The following RORA variants were observed in gnomAD, a reference collection of about 807,000 sequenced individuals.
RORA encodes the protein nuclear receptor ROR-alpha.
In RORA, 7 loss-of-function variants were observed where a neutral mutation model predicts 69.5. That is an observed-to-expected ratio of 0.10 (90% confidence interval 0.06 to 0.19). The LOEUF is 0.19. RORA is among the 10% of genes least tolerant of loss of function. The pLI, the probability that RORA is intolerant of heterozygous loss-of-function variation, is 1.00. For synonymous variants in RORA, 261 were observed against 240.8 expected (o/e 1.08, Z -0.78); for missense variants, 457 against 663.0 (o/e 0.69, Z 3.41).
chr15:60,910,024 T>C (rs1356960899), intron 1 of RORA, among the ~76,000 whole-genome samples: 1 of 152,154 alleles, frequency 6.6e-6, no homozygotes, highest in Non-Finnish European at 1.5e-5. Flanking sequence ...CATAATTGAG[T>C]TGCAAAGGGG....
intron 1 of RORA, among the ~76,000 whole-genome samples, chr15:61,060,045 AG>A (rs1336992747): frequency 4.1e-5 from 6 of 147,520 alleles, no homozygotes; most frequent in Non-Finnish European, 9.0e-5. Flanking sequence ...AAGAAGAAGA[AG>A]AAGAAAGCCT....
intron 1 of RORA, among the ~76,000 whole-genome samples, chr15:60,701,410 G>A (rs2070979604): frequency 6.6e-6 from 1 of 152,186 alleles, no homozygotes. Flanking sequence ...AGAAGTTTAT[G>A]GAGGAAGTGA....
At chr15:60,901,856 C>T (rs1891401738) in intron 1 of RORA, among the ~76,000 whole-genome samples, 1 of 152,186 alleles carries the variant, frequency 6.6e-6, no homozygotes, top group African/African-American at 2.4e-5. Context: ...GAAAGTTATG[C>T]ATTCCAGTAG....
At chr15:60,788,261 T>C (rs1272192884) in intron 1 of RORA, among the ~76,000 whole-genome samples, 2 of 152,200 alleles carry the variant, frequency 1.3e-5, no homozygotes, top group Non-Finnish European at 2.9e-5. Flanking sequence ...TCCCTGATGA[T>C]GCACAAGACA....
At chr15:61,140,369 C>G (rs1343834339) in intron 1 of RORA, among the ~76,000 whole-genome samples, 1 of 152,146 alleles carries the variant, frequency 6.6e-6, no homozygotes, top group Non-Finnish European at 1.5e-5. Flanking sequence ...TGTAGGTGTG[C>G]TTGATTAATA....
In RORA at chr15:60,490,985, C is replaced by G. The variant is rs1003103144; in HGVS notation, c.*6470G>C. ...AACACATCTCCACAAAAGGAGCAGGCAGACAATACAGGTACATTTATAGAA... is the reference window on the plus strand; with the variant it reads ...AACACATCTCCACAAAAGGAGCAGGGAGACAATACAGGTACATTTATAGAA... On this transcript the variant is annotated 3_prime_UTR_variant, in exon 11 of 11. Transcript: ENST00000335670. This position sits in a 1 kb window ranked among gnomAD's most constrained non-coding sequence, Gnocchi z 4.1. The G allele has an allele frequency of 3.3e-5, 5 of 152,144 alleles. No homozygotes were observed. Among genetic ancestry groups the G allele is most frequent in the Admixed American group, 6.6e-5 (1 of 15,264 alleles). The allele number at this position is 152,144 out of a possible 1,614,324, so 9.4% of individuals were successfully genotyped here. A position where few individuals can be genotyped will look rare whatever the true frequency, so the allele number is the denominator to read the frequency against.
At chr15:61,153,883 A>C (rs1224785840) in intron 1 of RORA, among the ~76,000 whole-genome samples, 1 of 152,248 alleles carries the variant, frequency 6.6e-6, no homozygotes, top group Admixed American at 6.5e-5. Flanking sequence ...ATTATCATTC[A>C]TGCTAGCTAG....
chr15:61,185,815 C>T (rs111448125), intron 1 of RORA, among the ~76,000 whole-genome samples: 4 of 152,250 alleles, frequency 2.6e-5, no homozygotes, highest in South Asian at 2.1e-4. Context: ...AGGAGAAGGT[C>T]GTCGGCAGTC....
intron 2 of RORA, among the ~76,000 whole-genome samples, chr15:60,637,827 T>C (rs2069868321): frequency 7.1e-6 from 1 of 140,314 alleles, no homozygotes; most frequent in South Asian, 2.1e-4. Flanking sequence ...TTTTTCTTTC[T>C]TTTTTTTCTA....
intron 1 of RORA, among the ~76,000 whole-genome samples, chr15:61,120,700 CA>C (rs527369711): frequency 0.047 from 2,582 of 54,358 alleles, 38 homozygotes; most frequent in African/African-American, 0.12. Context: ...GACTCTGTCT[CA>C]AAAAAAAAAA....
intron 1 of RORA, among the ~76,000 whole-genome samples, chr15:60,984,332 T>A (rs527311132): frequency 5.3e-5 from 8 of 152,150 alleles, no homozygotes; most frequent in African/African-American, 1.9e-4. Flanking sequence ...ATTCTACATA[T>A]ATTTTTGTTG....
At chr15:60,873,263 CTGTGTGTGTGTGTCTGTG>C (rs1567221219) in intron 1 of RORA, among the ~76,000 whole-genome samples, 3 of 123,524 alleles carry the variant, frequency 2.4e-5, no homozygotes, top group South Asian at 2.5e-4. Flanking sequence ...GTGTGTGTGT[CTGTGTGTGTGTGTCTGTG>C]TGTGTGTGTC....
intron 1 of RORA, among the ~76,000 whole-genome samples, chr15:60,714,092 C>T (rs993353226): frequency 6.6e-6 from 1 of 151,770 alleles, no homozygotes; most frequent in Non-Finnish European, 1.5e-5. Flanking sequence ...CTCACTCCGT[C>T]GCCCAGGATG....
chr15:60,631,529 A>G (rs374718804), intron 2 of RORA, among the ~76,000 whole-genome samples: 1 of 152,208 alleles, frequency 6.6e-6, no homozygotes, highest in Admixed American at 6.5e-5. Context: ...TTCCCTGCAA[A>G]TATTACCGGA....
intron 1 of RORA, among the ~76,000 whole-genome samples, chr15:60,881,973 T>C (rs544153719): frequency 2.0e-5 from 3 of 152,340 alleles, no homozygotes; most frequent in Admixed American, 6.5e-5. Context: ...CCACTGACCA[T>C]GAATGGATAC....
At chr15:60,997,178 T>C (rs996923636) in intron 1 of RORA, among the ~76,000 whole-genome samples, 8 of 151,948 alleles carry the variant, frequency 5.3e-5, no homozygotes. Context: ...GAGGGGAGGG[T>C]CAACATAATT....
At chr15:60,652,170 T>C (rs1329828151) in intron 2 of RORA, among the ~76,000 whole-genome samples, 3 of 151,988 alleles carry the variant, frequency 2.0e-5, no homozygotes, top group African/African-American at 7.3e-5. Flanking sequence ...ACAAGAGACG[T>C]GCAGTTCTGG....
At chr15:61,062,216 T>C (rs555704282) in intron 1 of RORA, among the ~76,000 whole-genome samples, 9 of 152,350 alleles carry the variant, frequency 5.9e-5, no homozygotes, top group African/African-American at 2.2e-4. Flanking sequence ...CACAGGGTTT[T>C]TGCTGTTCTG....
chr15:60,744,689 T>C (rs2071623484), intron 1 of RORA, among the ~76,000 whole-genome samples: 1 of 152,120 alleles, frequency 6.6e-6, no homozygotes, highest in South Asian at 2.1e-4. Flanking sequence ...ACCCAAATCA[T>C]TACTGAGGAA....
Sources: allele counts gnomAD v4.1 joint callset (sites outside exome capture counted in the v4.1 genomes callset), GRCh38; gene constraint gnomAD v4.1.1; non-coding constraint Gnocchi (gnomAD v3.1); transcripts MANE v1.5; gene names NCBI Gene and HGNC (gene_info 2026-07-23, HGNC 2026-07-21).